MICU1: variants seen among roughly 807,000 people sequenced by gnomAD.
MICU1 encodes the protein calcium uptake protein 1, mitochondrial.
Under a neutral mutation model 56.8 loss-of-function variants are expected in MICU1, and 45 were observed. The observed-to-expected ratio is 0.79, with a 90% CI of 0.62 to 1.02. The LOEUF (loss-of-function observed/expected upper bound fraction) is 1.02. Ranked by LOEUF, MICU1 falls within the 50% of genes least tolerant of loss-of-function variation. The pLI is 0.00. For synonymous variants in MICU1, 186 were observed against 195.1 expected, an observed-to-expected ratio of 0.95 and a Z score of 0.39; for missense variants, 504 against 587.1, an observed-to-expected ratio of 0.86 and a Z score of 1.46.
intron 5 of MICU1, among the ~76,000 whole-genome samples, chr10:72,523,053 T>C (rs879554937): frequency 2.4e-4 from 36 of 152,292 alleles, no homozygotes; most frequent in Admixed American, 9.2e-4. Flanking sequence ...CCTAGTGTGG[T>C]TGACTACTTA....
intron 1 of MICU1, among the ~76,000 whole-genome samples, chr10:72,582,615 A>G (rs1289223579): frequency 2.0e-5 from 3 of 152,114 alleles, no homozygotes; most frequent in Non-Finnish European, 2.9e-5. Flanking sequence ...GTTTTTTAAA[A>G]TTAAATTTAA....
At chr10:72,403,235 C>T (rs1863515982) in intron 10 of MICU1, among the ~76,000 whole-genome samples, 1 of 151,884 alleles carries the variant, frequency 6.6e-6, no homozygotes, top group Non-Finnish European at 1.5e-5. Flanking sequence ...TGGTGGGAGC[C>T]TGTAATCCCA....
intron 1 of MICU1, among the ~76,000 whole-genome samples, chr10:72,586,857 T>C (rs1841077009): frequency 6.6e-6 from 1 of 152,234 alleles, no homozygotes; most frequent in African/African-American, 2.4e-5. Context: ...GGCACATGCC[T>C]ATATCTCTCT....
At chr10:72,381,164 C>T (rs555552587) in intron 10 of MICU1, among the ~76,000 whole-genome samples, 1 of 152,296 alleles carries the variant, frequency 6.6e-6, no homozygotes, top group African/African-American at 2.4e-5. Context: ...CTTCCTAATG[C>T]AAAAGTGTTT....
At chr10:72,435,159 G>C (rs968361745) in intron 8 of MICU1, among the ~76,000 whole-genome samples, 1 of 152,020 alleles carries the variant, frequency 6.6e-6, no homozygotes, top group Non-Finnish European at 1.5e-5. Context: ...TGGAGGGAAG[G>C]TGGGAGTACT....
chr10:72,561,798 G>A (rs997190281), intron 3 of MICU1, among the ~76,000 whole-genome samples: 1 of 152,188 alleles, frequency 6.6e-6, no homozygotes. Context: ...GCAACAGAGG[G>A]AGACTCTGTC....
At chr10:72,474,258 C>CAAAAAAAAAA (rs55978543) in intron 8 of MICU1, among the ~76,000 whole-genome samples, 83 of 60,728 alleles carry the variant, frequency 1.4e-3, no homozygotes, top group Admixed American at 1.8e-3. Context: ...AGGACTGTCT[C>CAAAAAAAAAA]AAAAAAAAAA....
At chr10:72,546,125 C>T (rs1377728329) in intron 4 of MICU1, among the ~76,000 whole-genome samples, 1 of 152,194 alleles carries the variant, frequency 6.6e-6, no homozygotes, top group Admixed American at 6.5e-5. Flanking sequence ...TCCCAGAGTG[C>T]TGGTGCACTT....
chr10:72,613,326 T>A (rs1459565637), intron 1 of MICU1, among the ~76,000 whole-genome samples: 2 of 150,668 alleles, frequency 1.3e-5, no homozygotes, highest in Non-Finnish European at 2.9e-5. Context: ...CAGGCTGTAG[T>A]GCAGTGGCAT....
At chr10:72,395,514 T>C (rs1003074038) in intron 10 of MICU1, among the ~76,000 whole-genome samples, 2 of 152,080 alleles carry the variant, frequency 1.3e-5, no homozygotes, top group Non-Finnish European at 2.9e-5. Flanking sequence ...GGTCAGGGGA[T>C]TTCTCTTTCC....
rs577144260 is a variant in MICU1 at position 72,412,968 on chromosome 10, G to A, written c.1072-4931C>T. Among the ~76,000 whole-genome samples the A allele has an allele frequency of 7.2e-5, 11 of 152,186 alleles. No individual in the cohort carries two copies. In the South Asian group the frequency reaches 1.0e-3, roughly 14 times the overall value. On this transcript the variant is annotated intron_variant, in intron 9 of 11. Coordinates refer to ENST00000361114, the MANE Select transcript of MICU1 (RefSeq NM_001195518.2). ...TCCCAGCACTTTGGGAGGCAAAGGCGGGCAGATCACTTGAGCCTGGAAGTT... is the reference window on the plus strand; with the variant it reads ...TCCCAGCACTTTGGGAGGCAAAGGCAGGCAGATCACTTGAGCCTGGAAGTT...
intron 1 of MICU1, among the ~76,000 whole-genome samples, chr10:72,613,246 T>C (rs1841897829): frequency 6.6e-6 from 1 of 151,480 alleles, no homozygotes; most frequent in African/African-American, 2.4e-5. Context: ...ACAGACATTA[T>C]TAGGAGAAAC....
chr10:72,551,333 T>C lies in MICU1; in HGVS notation c.339A>G (p.Glu113=), dbSNP rs143880962. The C allele has an allele frequency of 2.1e-4, 336 of 1,604,542 alleles. 2 individuals carry two copies. In the African/African-American group the frequency reaches 3.9e-3, roughly 19 times the overall value. The change falls in exon 4 of 12, where the codon GAA becomes GAG. Residue 113 remains glutamate (E), a synonymous_variant. Coordinates refer to ENST00000361114, the MANE Select transcript of MICU1 (RefSeq NM_001195518.2). ...RSGFRDRKVM[E]YENRIRAYST... ...AGTAGGCTCGAATCCTATTCTCATATTCCATCACCTAAAGTTAGAAATTTA... is the reference window on the plus strand; with the variant it reads ...AGTAGGCTCGAATCCTATTCTCATACTCCATCACCTAAAGTTAGAAATTTA...
At chr10:72,449,092 C>T (rs772599899) in intron 8 of MICU1, among the ~76,000 whole-genome samples, 2 of 152,136 alleles carry the variant, frequency 1.3e-5, no homozygotes, top group African/African-American at 2.4e-5. Context: ...GCCACCATGA[C>T]CAGCTAATTT....
chr10:72,502,158 G>GTTTTTTTTTTT (rs1256587038), intron 6 of MICU1, among the ~76,000 whole-genome samples: 3 of 131,844 alleles, frequency 2.3e-5, no homozygotes, highest in African/African-American at 6.8e-5. Flanking sequence ...TTTTTTTTTT[G>GTTTTTTTTTTT]TTTTTTTTTT....
chr10:72,564,151 A>G (rs1322683435), intron 2 of MICU1, among the ~76,000 whole-genome samples: 1 of 152,248 alleles, frequency 6.6e-6, no homozygotes, highest in African/African-American at 2.4e-5. Flanking sequence ...AAACGATAAT[A>G]GATCTGACTT....
At chr10:72,377,426 G>A (rs1308645131) in intron 10 of MICU1, among the ~76,000 whole-genome samples, 1 of 151,950 alleles carries the variant, frequency 6.6e-6, no homozygotes, top group Non-Finnish European at 1.5e-5. Flanking sequence ...AGCGGGCCCG[G>A]CCAATAGTTC....
intron 8 of MICU1, among the ~76,000 whole-genome samples, chr10:72,459,492 T>G (rs1015720343): frequency 9.2e-5 from 14 of 152,232 alleles, no homozygotes; most frequent in African/African-American, 3.1e-4. Flanking sequence ...CCTGTTTTTT[T>G]ACCCTTGTGC....
chr10:72,551,130 C>T, intron 4 of MICU1, 49 bp downstream of exon 4: 1 of 1,523,816 alleles, frequency 6.6e-7, no homozygotes, highest in Non-Finnish European at 8.8e-7. Context: ...ACAAAGTAGC[C>T]TATAACAAAA....
Sources: gnomAD v4.1 joint callset for allele counts (sites outside exome capture counted in the v4.1 genomes callset) on GRCh38, gnomAD v4.1.1 for gene constraint, MANE v1.5 for transcripts, NCBI Gene and HGNC (gene_info 2026-07-23, HGNC 2026-07-21) for gene names.